The following DLAT variants were observed in gnomAD, a reference collection of about 807,000 sequenced individuals.
DLAT encodes the protein dihydrolipoamide S-acetyltransferase.
In DLAT, 43 loss-of-function variants were observed where a neutral mutation model predicts 68.0. The ratio of observed to expected loss-of-function variants is 0.63; its 90% CI spans 0.50 to 0.81. DLAT has a LOEUF of 0.81. Among genes scored for constraint, DLAT ranks in the 40% least tolerant of loss-of-function variants. DLAT has a pLI of 0.00. For missense variants in DLAT, 745 were observed against 815.4 expected (o/e 0.91, Z 1.05); for synonymous variants, 265 against 288.6 (o/e 0.92, Z 0.83).
chr11:112,050,570 A>G (rs1863560654), intron 10 of DLAT, among the ~76,000 whole-genome samples: 1 of 152,270 alleles, frequency 6.6e-6, no homozygotes, highest in Admixed American at 6.5e-5. Context: ...AGGTCTATTC[A>G]GAGTTTTTGT....
intron 5 of DLAT, among the ~76,000 whole-genome samples, chr11:112,034,592 G>A (rs587768000): frequency 6.4e-5 from 9 of 140,006 alleles, no homozygotes; most frequent in African/African-American, 1.6e-4. Context: ...ACAGGTGCCC[G>A]CTGCCACGCC....
chr11:112,061,259 C>A, intron 13 of DLAT, 85 bp downstream of exon 13: 1 of 1,422,936 alleles, frequency 7.0e-7, no homozygotes. Context: ...GGGATTGGCT[C>A]CAGGAACCCC....
chr11:112,037,285 A>G lies in DLAT; in HGVS notation c.800A>G (p.Gln267Arg), dbSNP rs1862823638. ...CTTTCTATTTAAGGTTTTGAAGTAC[A>G]GGAAGAAGGTTATCTGGCAAAAATC... ...TDKATIGFEVQEEGYLAKILV... is the reference protein window; with the variant it reads ...TDKATIGFEVREEGYLAKILV... The change falls in exon 6 of 14, where the codon CAG becomes CGG. Residue 267 changes from glutamine (Q) to arginine (R), a missense_variant. Transcript: ENST00000280346. The G allele has an allele frequency of 6.2e-7, 1 of 1,614,184 alleles. No individual in the cohort carries two copies. The highest frequency in any genetic ancestry group is 2.2e-5 in the East Asian group (1 of 44,892).
At chr11:112,043,675 C>A in intron 8 of DLAT, 142 bp downstream of exon 8, 1 of 856,344 alleles carries the variant, frequency 1.2e-6, no homozygotes, top group Non-Finnish European at 2.0e-6. Flanking sequence ...AGTCATCCCT[C>A]GGTACCCATG....
intron 7 of DLAT, 136 bp from the exon 8 acceptor site, chr11:112,043,330 A>G (rs1592688319): frequency 6.3e-6 from 5 of 794,530 alleles, no homozygotes; most frequent in South Asian, 4.3e-5. Flanking sequence ...CTTAAGGGGT[A>G]GGGTTAAGGC....
At chr11:112,027,564 G>A (rs1481565750) in intron 2 of DLAT, among the ~76,000 whole-genome samples, 1 of 152,048 alleles carries the variant, frequency 6.6e-6, no homozygotes, top group Non-Finnish European at 1.5e-5. Flanking sequence ...GGAGGTGGAG[G>A]TTGTAGCGAG....
Position 112,051,177 on chromosome 11 carries a change from T to G in DLAT, c.1399-57T>G. 1.6e-6 allele frequency: 2 copies of G among 1,242,118 alleles called. No homozygotes were observed. The highest frequency in any genetic ancestry group is 1.5e-5 in the African/African-American group (1 of 65,866). The allele number at this position is 1,242,118 out of a possible 1,614,324, so 76.9% of individuals were successfully genotyped here. ...ACATTCTGCACATGCACCCTGAAAC[T>G]TAAAATTAAAATTAAAATTAAAAAA... On this transcript the variant is annotated intron_variant, in intron 10 of 13. Coordinates refer to ENST00000280346, the MANE Select transcript of DLAT (RefSeq NM_001931.5). This position sits in a 1 kb window ranked among gnomAD's most constrained non-coding sequence, Gnocchi z 4.3.
chr11:112,058,439 T>A (rs1439563565), intron 11 of DLAT, among the ~76,000 whole-genome samples: 1 of 152,138 alleles, frequency 6.6e-6, no homozygotes, highest in South Asian at 2.1e-4. Context: ...CTGATCTTTT[T>A]GGAGCTTGTG....
intron 4 of DLAT, among the ~76,000 whole-genome samples, chr11:112,031,636 G>A (rs1265930289): frequency 6.6e-6 from 1 of 151,798 alleles, no homozygotes; most frequent in Non-Finnish European, 1.5e-5. Context: ...GTGCAGTGGT[G>A]CAATCTTAGC....
intron 8 of DLAT, among the ~76,000 whole-genome samples, chr11:112,044,386 G>T (rs1376415496): frequency 6.6e-6 from 1 of 152,094 alleles, no homozygotes; most frequent in Non-Finnish European, 1.5e-5. Context: ...GTAGAGACAG[G>T]GTTTCGCCAT....
chr11:112,058,317 GTAAT>G (rs1555182799), intron 11 of DLAT, among the ~76,000 whole-genome samples: 3 of 152,152 alleles, frequency 2.0e-5, no homozygotes, highest in Non-Finnish European at 4.4e-5. Context: ...CAGTTCTGTG[GTAAT>G]TAATGAGTCA....
At chr11:112,030,970 C>T (rs1393530899) in intron 4 of DLAT, among the ~76,000 whole-genome samples, 1 of 152,150 alleles carries the variant, frequency 6.6e-6, no homozygotes, top group African/African-American at 2.4e-5. Context: ...CTTAATTTTC[C>T]TCTACTTTGT....
rs1555180131 is a variant in DLAT, at chr11:112,033,504, A to C, written c.761A>C (p.Glu254Ala). ...EKLSEGDLLA[E>A]IETDKATIGF... ...CTAAGTGAAGGAGACTTACTGGCAG[A>C]GATAGAAACTGACAAAGCCACTATA... is the stretch of plus-strand genomic sequence containing the variant. Residue 254 changes from glutamate to alanine, a missense_variant, in exon 5 of 14, where the codon GAG (glutamate) becomes GCG (alanine). Physicochemically the swap from Glu to Ala is moderately radical, Grantham distance 107. Transcript: ENST00000280346. 1.2e-6 allele frequency: 2 copies of C among 1,613,944 alleles called. No homozygotes were observed. The highest frequency in any genetic ancestry group is 1.7e-6 in the Non-Finnish European group (2 of 1,179,892).
rs1047298007 is a variant in DLAT, at chr11:112,051,899, A to G, written c.1514+550A>G. On this transcript the variant is annotated intron_variant, in intron 11 of 13. Coordinates refer to ENST00000280346, the MANE Select transcript of DLAT (RefSeq NM_001931.5). The surrounding 1 kb of genome is among the most constrained non-coding windows in gnomAD (Gnocchi z 4.3). ...TAGAACAGTAATTGTTAATAATACA[A>G]TGGTATAGAGTAGTATGGTACTCAG... Among the ~76,000 whole-genome samples, 1 of 152,202 alleles carries G rather than the reference A, an allele frequency of 6.6e-6. No homozygotes were observed. The highest frequency in any genetic ancestry group is 2.1e-4 in the South Asian group (1 of 4,828).
At chr11:112,036,201 G>C (rs201564733) in intron 5 of DLAT, among the ~76,000 whole-genome samples, 2 of 36,482 alleles carry the variant, frequency 5.5e-5, no homozygotes, top group South Asian at 3.0e-3. Context: ...GTGTGTGTGT[G>C]TTTTTTTTTT....
chr11:112,031,187 C>T (rs1282730310), intron 4 of DLAT, among the ~76,000 whole-genome samples: 3 of 152,174 alleles, frequency 2.0e-5, no homozygotes, highest in African/African-American at 4.8e-5. Context: ...TTACTTTCCC[C>T]TCTCTGGAAA....
intron 11 of DLAT, among the ~76,000 whole-genome samples, chr11:112,059,349 C>T (rs1337718147): frequency 1.3e-5 from 2 of 149,826 alleles, no homozygotes; most frequent in East Asian, 3.9e-4. Context: ...ACACATTTCT[C>T]ATTCTTTTTT....
intron 10 of DLAT, among the ~76,000 whole-genome samples, chr11:112,048,787 G>T (rs1863461384): frequency 6.6e-6 from 1 of 151,914 alleles, no homozygotes. Context: ...ACCCACCTTG[G>T]CCTCCCAAAG....
Position 112,028,440 on chromosome 11 carries a change from AAAAAAT to A in DLAT, c.382-74_382-69del. 2.1e-5 allele frequency: 31 copies of A among 1,502,402 alleles called. No homozygotes were observed. The African/African-American group carries it at 3.5e-4, about 17-fold the overall frequency. The allele number at this position is 1,502,402 out of a possible 1,614,324, so 93.1% of individuals were successfully genotyped here. ...TGTCTCAAAAAAAAAAAAAAAAAAA[AAAAAAT>A]TCTAGACACAAGCTAATAAATTACA... On this transcript the variant is annotated intron_variant, in intron 2 of 13. Transcript: ENST00000280346.
Sources: allele counts gnomAD v4.1 joint callset (sites outside exome capture counted in the v4.1 genomes callset), GRCh38; gene constraint gnomAD v4.1.1; non-coding constraint Gnocchi (gnomAD v3.1); transcripts MANE v1.5; gene names NCBI Gene and HGNC (gene_info 2026-07-23, HGNC 2026-07-21).